PRKAG2: variants seen among roughly 807,000 people sequenced by gnomAD.
PRKAG2 encodes protein kinase AMP-activated non-catalytic subunit gamma 2.
Under a neutral mutation model 69.6 loss-of-function variants are expected in PRKAG2, and 26 were observed. That is an observed-to-expected ratio of 0.37 (90% confidence interval 0.27 to 0.52). PRKAG2 has a LOEUF of 0.52. PRKAG2 is among the 20% of genes least tolerant of loss of function. The pLI is 0.90. For missense variants in PRKAG2, 557 were observed against 740.0 expected (o/e 0.75, Z 2.87); for synonymous variants, 293 against 285.0 (o/e 1.03, Z -0.28).
At chr7:151,695,205 G>A (rs1836405051) in intron 3 of PRKAG2, among the ~76,000 whole-genome samples, 1 of 152,220 alleles carries the variant, frequency 6.6e-6, no homozygotes, top group Non-Finnish European at 1.5e-5. Context: ...ATGACACTGT[G>A]TTGTGTAAAT....
intron 1 of PRKAG2, among the ~76,000 whole-genome samples, chr7:151,791,725 T>C (rs1454758457): frequency 6.6e-6 from 1 of 152,262 alleles, no homozygotes; most frequent in Non-Finnish European, 1.5e-5. Flanking sequence ...AGATGTAAGC[T>C]GACCTTAAAA....
At chr7:151,608,624 G>A (rs981730281) in intron 5 of PRKAG2, among the ~76,000 whole-genome samples, 1 of 152,106 alleles carries the variant, frequency 6.6e-6, no homozygotes, top group Non-Finnish European at 1.5e-5. Context: ...GGGCAAGTAC[G>A]GATCTGAGAT....
intron 5 of PRKAG2, among the ~76,000 whole-genome samples, chr7:151,603,038 G>T (rs189976866): frequency 3.2e-4 from 49 of 152,284 alleles, no homozygotes; most frequent in African/African-American, 8.7e-4. Context: ...AGAACACACG[G>T]TTTTTCTCAG....
intron 4 of PRKAG2, among the ~76,000 whole-genome samples, chr7:151,657,731 C>T (rs1563359873): frequency 6.6e-6 from 1 of 152,176 alleles, no homozygotes. Flanking sequence ...GTCTAGACAC[C>T]AGGCAGAAGA....
At chr7:151,859,088 G>A (rs548982722) in intron 1 of PRKAG2, among the ~76,000 whole-genome samples, 1 of 152,342 alleles carries the variant, frequency 6.6e-6, no homozygotes, top group Admixed American at 6.5e-5. Flanking sequence ...ACCCTGGCCA[G>A]GTGTCTCTGG....
chr7:151,643,350 T>C (rs1827064704), intron 4 of PRKAG2, among the ~76,000 whole-genome samples: 2 of 152,250 alleles, frequency 1.3e-5, no homozygotes, highest in East Asian at 1.9e-4. Flanking sequence ...CAGAATGATA[T>C]AGTGTCACAA....
chr7:151,814,738 G>T lies in PRKAG2; in HGVS notation c.115-28197C>A. The T allele has an allele frequency of 6.5e-6, 8 of 1,231,744 alleles. No individual in the cohort carries two copies. The highest frequency in any genetic ancestry group is 8.1e-6 in the Non-Finnish European group (8 of 987,954). The allele number at this position is 1,231,744 out of a possible 1,614,324, so 76.3% of individuals were successfully genotyped here. A position where few individuals can be genotyped will look rare whatever the true frequency, so the allele number is the denominator to read the frequency against. On this transcript the variant is annotated intron_variant, in intron 1 of 15. Transcript: ENST00000287878. The surrounding 1 kb of genome is among the most constrained non-coding windows in gnomAD (Gnocchi z 4.8). Reference sequence around the variant, plus strand: ...ACAGCATGGGCTGGCCTAAGACAGCGCAGGCAACGGTCTTGGTGGCTGGAG... The same window carrying T: ...ACAGCATGGGCTGGCCTAAGACAGCTCAGGCAACGGTCTTGGTGGCTGGAG...
Position 151,816,836 on chromosome 7 carries a change from G to A in PRKAG2, c.115-30295C>T, listed in dbSNP as rs570366708. 3.3e-5 allele frequency among the ~76,000 whole-genome samples: 5 copies of A among 152,250 alleles called. 1 individual carries two copies. The highest frequency in any genetic ancestry group is 9.6e-5 in the African/African-American group (4 of 41,534). On this transcript the variant is annotated intron_variant, in intron 1 of 15. Transcript: ENST00000287878. ...GTGCTTTATTCCAAAGCATACATAC[G>A]AGCCTGAGGAAAAAAGCCTAATTGG...
At chr7:151,729,735 G>A (rs994472987) in intron 3 of PRKAG2, among the ~76,000 whole-genome samples, 16 of 151,930 alleles carry the variant, frequency 1.1e-4, no homozygotes, top group African/African-American at 3.4e-4. Flanking sequence ...CAGGCCTCTC[G>A]GAGTCCCTAG....
chr7:151,794,824 C>T (rs1444215896), intron 1 of PRKAG2, among the ~76,000 whole-genome samples: 1 of 152,260 alleles, frequency 6.6e-6, no homozygotes, highest in Non-Finnish European at 1.5e-5. Context: ...CCGGCTCTGT[C>T]CTCGTGCAAA....
At chr7:151,809,616 A>AAATCAAGC (rs2078311938) in intron 1 of PRKAG2, 1 of 181,280 alleles carries the variant, frequency 5.5e-6, no homozygotes, top group African/African-American at 2.4e-5. Context: ...GCCTGAGCCC[A>AAATCAAGC]AATCAAGCAC....
At chr7:151,760,902 G>A (rs1382291969) in intron 3 of PRKAG2, among the ~76,000 whole-genome samples, 1 of 152,226 alleles carries the variant, frequency 6.6e-6, no homozygotes, top group South Asian at 2.1e-4. Flanking sequence ...GCAAGGAGAT[G>A]TGTCAGGATA....
Position 151,632,125 on chromosome 7 carries a change from G to C in PRKAG2, c.698C>G (p.Ala233Gly), listed in dbSNP as rs201240745. Residue 233 changes from alanine to glycine, a missense_variant, in exon 5 of 16, where the codon GCG (alanine) becomes GGG (glycine). Coordinates refer to ENST00000287878, the MANE Select transcript of PRKAG2 (RefSeq NM_016203.4). The surrounding 1 kb of genome is among the most constrained non-coding windows in gnomAD (Gnocchi z 4.2). ...GCCGGCTTCCGCGGGTCCCAGGGCC[G>C]CCGCCAGCGCCGCCTGAGGGGGAGG... ...YAPSKAAALA[A>G]ALGPAEAGML... The C allele has an allele frequency of 1.6e-4, 225 of 1,402,108 alleles. No individual in the cohort carries two copies. The highest frequency in any genetic ancestry group is 1.9e-4 in the Non-Finnish European group (206 of 1,064,322). The allele number at this position is 1,402,108 out of a possible 1,614,324, so 86.9% of individuals were successfully genotyped here.
At chr7:151,827,759 A>AAAAAAC (rs1563733901) in intron 1 of PRKAG2, among the ~76,000 whole-genome samples, 1 of 149,510 alleles carries the variant, frequency 6.7e-6, no homozygotes, top group Non-Finnish European at 1.5e-5. Context: ...AAAAAAAAAA[A>AAAAAAC]AAAAAAAAAA....
chr7:151,653,448 C>G (rs538600299), intron 4 of PRKAG2, among the ~76,000 whole-genome samples: 1 of 152,198 alleles, frequency 6.6e-6, no homozygotes, highest in African/African-American at 2.4e-5. Flanking sequence ...CCCACCGATA[C>G]GACAACCTGG....
At chr7:151,720,862 G>A (rs920995661) in intron 3 of PRKAG2, among the ~76,000 whole-genome samples, 9 of 140,284 alleles carry the variant, frequency 6.4e-5, no homozygotes, top group African/African-American at 2.2e-4. Flanking sequence ...AGAATGGAAC[G>A]GGAGGGAGAG....
At chr7:151,763,679 T>C (rs960214721) in intron 3 of PRKAG2, among the ~76,000 whole-genome samples, 2 of 152,254 alleles carry the variant, frequency 1.3e-5, no homozygotes, top group Admixed American at 6.5e-5. Flanking sequence ...GGGACTCTTC[T>C]GGGCCTCTGT....
chr7:151,717,962 T>C (rs1003041573), intron 3 of PRKAG2, among the ~76,000 whole-genome samples: 2 of 152,192 alleles, frequency 1.3e-5, no homozygotes, highest in African/African-American at 4.8e-5. Flanking sequence ...AGCATCTTTT[T>C]ACACCTCCTC....
chr7:151,797,235 C>A (rs922302501), intron 1 of PRKAG2, among the ~76,000 whole-genome samples: 34 of 125,068 alleles, frequency 2.7e-4, no homozygotes, highest in Non-Finnish European at 2.8e-4. Flanking sequence ...CCACCCCCCC[C>A]ACCCCCCACC....
Sources: gnomAD v4.1 joint callset for allele counts (sites outside exome capture counted in the v4.1 genomes callset) on GRCh38, gnomAD v4.1.1 for gene constraint, Gnocchi (gnomAD v3.1) non-coding constraint, MANE v1.5 for transcripts, NCBI Gene and HGNC (gene_info 2026-07-23, HGNC 2026-07-21) for gene names.